The following CRIM1 variants were observed in gnomAD, a reference collection of about 807,000 sequenced individuals.
CRIM1 encodes the protein cysteine rich transmembrane BMP regulator 1, also known as cysteine-rich motor neuron 1 protein.
A neutral mutation model predicts 116.4 loss-of-function variants in CRIM1; 32 were observed. That is an observed-to-expected ratio of 0.27 (90% CI 0.21 to 0.37). The LOEUF (loss-of-function observed/expected upper bound fraction) is 0.37. CRIM1 is among the 10% of genes least tolerant of loss of function. The pLI is 1.00. For missense variants in CRIM1, 1,331 were observed against 1,354.8 expected (o/e 0.98, Z 0.28); for synonymous variants, 590 against 509.2 (o/e 1.16, Z -2.13).
At chr2:36,450,906 A>G (rs1472592896) in intron 4 of CRIM1, among the ~76,000 whole-genome samples, 1 of 152,206 alleles carries the variant, frequency 6.6e-6, no homozygotes, top group Admixed American at 6.5e-5. Flanking sequence ...TTGTGAATAG[A>G]TAGAGATGTT....
intron 2 of CRIM1, among the ~76,000 whole-genome samples, chr2:36,407,265 G>A (rs1672881219): frequency 6.6e-6 from 1 of 152,116 alleles, no homozygotes; most frequent in South Asian, 2.1e-4. Context: ...GTATGTATAT[G>A]TATATCTGTA....
chr2:36,513,359 T>G, intron 10 of CRIM1, 197 bp from the exon 11 acceptor site: 1 of 558,526 alleles, frequency 1.8e-6, no homozygotes, highest in South Asian at 2.5e-5. Flanking sequence ...TATTTGCCGG[T>G]TTTTTTCTCT....
chr2:36,370,933 A>G (rs570808866), intron 1 of CRIM1, among the ~76,000 whole-genome samples: 1 of 152,208 alleles, frequency 6.6e-6, no homozygotes, highest in African/African-American at 2.4e-5. Context: ...TTAGACCCCT[A>G]AATTAAAGAC....
At chr2:36,403,336 G>A (rs1227373103) in intron 2 of CRIM1, among the ~76,000 whole-genome samples, 1 of 152,144 alleles carries the variant, frequency 6.6e-6, no homozygotes, top group Non-Finnish European at 1.5e-5. Context: ...TGGCTGTTTT[G>A]AATTATTTCC....
intron 13 of CRIM1, among the ~76,000 whole-genome samples, chr2:36,533,898 C>T (rs1219358085): frequency 7.1e-6 from 1 of 141,160 alleles, no homozygotes; most frequent in African/African-American, 2.6e-5. Flanking sequence ...TCATTATTCT[C>T]GTGTGTGGAG....
intron 7 of CRIM1, among the ~76,000 whole-genome samples, chr2:36,499,016 G>A (rs1039507150): frequency 6.6e-6 from 1 of 152,236 alleles, no homozygotes; most frequent in Non-Finnish European, 1.5e-5. Context: ...CAAAGAAGCA[G>A]AGTGTTCACA....
intron 2 of CRIM1, among the ~76,000 whole-genome samples, chr2:36,407,496 CT>C (rs1166973239): frequency 6.6e-6 from 1 of 152,028 alleles, no homozygotes; most frequent in Admixed American, 6.6e-5. Flanking sequence ...GTTCTGATGT[CT>C]TGATAACTGG....
At chr2:36,422,016 T>G (rs1256893772) in intron 2 of CRIM1, among the ~76,000 whole-genome samples, 1 of 151,928 alleles carries the variant, frequency 6.6e-6, no homozygotes, top group African/African-American at 2.4e-5. Flanking sequence ...CTTAAACTAT[T>G]AGGCACTGAG....
intron 1 of CRIM1, among the ~76,000 whole-genome samples, chr2:36,388,546 A>G (rs1181353173): frequency 6.6e-6 from 1 of 152,214 alleles, no homozygotes; most frequent in African/African-American, 2.4e-5. Flanking sequence ...TAATTAAAAA[A>G]TTGGAGCTTA....
At chr2:36,439,394 CT>C (rs1348742565) in intron 2 of CRIM1, among the ~76,000 whole-genome samples, 1 of 152,156 alleles carries the variant, frequency 6.6e-6, no homozygotes. Flanking sequence ...AAGAAGGGAC[CT>C]GTTTTTCTGA....
chr2:36,486,839 G>T (rs1679857786), intron 7 of CRIM1, among the ~76,000 whole-genome samples: 1 of 152,150 alleles, frequency 6.6e-6, no homozygotes, highest in Admixed American at 6.5e-5. Flanking sequence ...GAAATGATAG[G>T]AATGTTTTTC....
intron 6 of CRIM1, among the ~76,000 whole-genome samples, chr2:36,477,822 G>A (rs1679099902): frequency 6.6e-6 from 1 of 152,214 alleles, no homozygotes; most frequent in African/African-American, 2.4e-5. Context: ...TTACAGATTA[G>A]GATGTTGAAG....
At chr2:36,489,507 G>T (rs1290589444) in intron 7 of CRIM1, among the ~76,000 whole-genome samples, 8 of 152,112 alleles carry the variant, frequency 5.3e-5, no homozygotes, top group Admixed American at 5.2e-4. Flanking sequence ...TCCACAGGGG[G>T]TGTGTCCCAT....
chr2:36,452,959 A>T (rs146468979), intron 4 of CRIM1, among the ~76,000 whole-genome samples: 11 of 152,220 alleles, frequency 7.2e-5, no homozygotes, highest in Non-Finnish European at 1.5e-4. Flanking sequence ...CTCTTTTGCT[A>T]TGTCATCATC....
chr2:36,506,401 C>T (rs6733434), intron 8 of CRIM1, among the ~76,000 whole-genome samples: 4,262 of 151,970 alleles, frequency 0.028, 180 homozygotes, highest in African/African-American at 0.097. Flanking sequence ...TGAACAAAAC[C>T]ATTGCTGTTT....
chr2:36,414,346 A>G (rs925090219), intron 2 of CRIM1, among the ~76,000 whole-genome samples: 2 of 152,246 alleles, frequency 1.3e-5, no homozygotes, highest in African/African-American at 2.4e-5. Flanking sequence ...CTGTAGAGTT[A>G]CATTGGATAG....
At chr2:36,414,655 C>T (rs566395887) in intron 2 of CRIM1, among the ~76,000 whole-genome samples, 1 of 152,338 alleles carries the variant, frequency 6.6e-6, no homozygotes, top group East Asian at 1.9e-4. Context: ...AAGGAGCTGG[C>T]TGTGCAAAGA....
chr2:36,464,999 A>C (rs1286575646), intron 5 of CRIM1, among the ~76,000 whole-genome samples: 1 of 152,200 alleles, frequency 6.6e-6, no homozygotes, highest in Non-Finnish European at 1.5e-5. Flanking sequence ...AACTGGTCCC[A>C]TGGCTGTCGG....
chr2:36,450,085 A>G (rs983724261), intron 4 of CRIM1, among the ~76,000 whole-genome samples: 1 of 152,148 alleles, frequency 6.6e-6, no homozygotes, highest in Non-Finnish European at 1.5e-5. Flanking sequence ...CCTACGTAGC[A>G]GAAGCAGAGA....
Sources: allele counts gnomAD v4.1 joint callset (sites outside exome capture counted in the v4.1 genomes callset), GRCh38; gene constraint gnomAD v4.1.1; transcripts MANE v1.5; gene names NCBI Gene and HGNC (gene_info 2026-07-23, HGNC 2026-07-21).